The following NCAM1 variants were observed in gnomAD, a reference collection of about 807,000 sequenced individuals.
NCAM1 encodes antigen recognized by monoclonal antibody 5.1H11.
NCAM1 carries 14 observed loss-of-function variants against 109.8 expected under a neutral mutation model. The observed-to-expected ratio is 0.13, with a 90% CI of 0.08 to 0.20. The LOEUF (loss-of-function observed/expected upper bound fraction) is 0.20. Among genes scored for constraint, NCAM1 ranks in the 10% least tolerant of loss-of-function variants. The pLI, the probability that NCAM1 is intolerant of heterozygous loss-of-function variation, is 1.00. For missense variants in NCAM1, 774 were observed against 1,109.9 expected (o/e 0.70, Z 4.30); for synonymous variants, 418 against 442.9 (o/e 0.94, Z 0.70).
intron 12 of NCAM1, 118 bp downstream of exon 12, chr11:113,232,932 G>A: frequency 9.4e-7 from 1 of 1,062,666 alleles, no homozygotes. Flanking sequence ...GCCAGGGTCA[G>A]CAAAGCCAGA....
chr11:113,264,543 C>T (rs2137705838), intron 17 of NCAM1: 1 of 985,544 alleles, frequency 1.0e-6, no homozygotes, highest in Non-Finnish European at 1.2e-6. Flanking sequence ...GCATAAGGAT[C>T]CCAGGTCAGT....
intron 1 of NCAM1, among the ~76,000 whole-genome samples, chr11:113,063,752 A>G (rs1370318339): frequency 3.4e-5 from 5 of 147,766 alleles, no homozygotes; most frequent in African/African-American, 1.2e-4. Flanking sequence ...CCATAAGAAC[A>G]TATGATACTT....
intron 1 of NCAM1, among the ~76,000 whole-genome samples, chr11:112,965,381 A>G (rs1414094889): frequency 6.6e-6 from 1 of 152,184 alleles, no homozygotes; most frequent in African/African-American, 2.4e-5. Context: ...AGTTTTGAAC[A>G]GTGCTTCTGT....
chr11:113,138,859 T>C (rs1437310888), intron 1 of NCAM1, among the ~76,000 whole-genome samples: 1 of 152,222 alleles, frequency 6.6e-6, no homozygotes, highest in Non-Finnish European at 1.5e-5. Context: ...GTTTTAGTGT[T>C]GGGCGTAACC....
intron 15 of NCAM1, among the ~76,000 whole-genome samples, chr11:113,251,173 G>C (rs2137516831): frequency 6.6e-6 from 1 of 152,274 alleles, no homozygotes; most frequent in Middle Eastern, 3.4e-3. Flanking sequence ...GCTAACTCTT[G>C]GTGCTCGGGC....
intron 1 of NCAM1, among the ~76,000 whole-genome samples, chr11:113,055,783 G>A (rs1296886529): frequency 6.6e-6 from 1 of 151,284 alleles, no homozygotes; most frequent in Non-Finnish European, 1.5e-5. Flanking sequence ...TGATATGGAG[G>A]TTCCTCAAAA....
intron 1 of NCAM1, among the ~76,000 whole-genome samples, chr11:113,199,560 C>T (rs1440391370): frequency 6.8e-6 from 1 of 147,382 alleles, no homozygotes; most frequent in Non-Finnish European, 1.5e-5. Flanking sequence ...AAAGGCCAGG[C>T]GTCTAAATGG....
At chr11:113,009,166 C>G (rs555816731) in intron 1 of NCAM1, among the ~76,000 whole-genome samples, 4 of 151,868 alleles carry the variant, frequency 2.6e-5, no homozygotes, top group Non-Finnish European at 5.9e-5. Context: ...TTTTCTTTTT[C>G]AAATAGGACA....
intron 1 of NCAM1, among the ~76,000 whole-genome samples, chr11:113,095,088 A>G (rs1246075510): frequency 6.6e-6 from 1 of 152,212 alleles, no homozygotes; most frequent in Non-Finnish European, 1.5e-5. Context: ...TTGAGCACTG[A>G]AAGAAACTAA....
intron 1 of NCAM1, among the ~76,000 whole-genome samples, chr11:112,995,867 T>A (rs1339008584): frequency 6.6e-6 from 1 of 152,312 alleles, no homozygotes; most frequent in East Asian, 1.9e-4. Context: ...TTTGGCTAGT[T>A]CTATTGAAGT....
chr11:113,217,759 TG>T (rs1944572386), intron 8 of NCAM1, among the ~76,000 whole-genome samples: 1 of 152,240 alleles, frequency 6.6e-6, no homozygotes, highest in African/African-American at 2.4e-5. Flanking sequence ...TATTTATTTA[TG>T]TTAAAAATTG....
intron 1 of NCAM1, among the ~76,000 whole-genome samples, chr11:113,161,023 G>A (rs1259659118): frequency 2.0e-5 from 3 of 152,098 alleles, no homozygotes; most frequent in Non-Finnish European, 4.4e-5. Context: ...ACAAGAATAC[G>A]TGGGAAGTTG....
At chr11:113,145,426 G>A (rs1379553572) in intron 1 of NCAM1, among the ~76,000 whole-genome samples, 3 of 152,050 alleles carry the variant, frequency 2.0e-5, no homozygotes, top group African/African-American at 7.2e-5. Context: ...TTTGTTTCTG[G>A]AACAATTGCC....
chr11:113,124,800 C>G (rs1304653755), intron 1 of NCAM1, among the ~76,000 whole-genome samples: 1 of 152,180 alleles, frequency 6.6e-6, no homozygotes, highest in Non-Finnish European at 1.5e-5. Context: ...CGTTTACTGA[C>G]AGCTGGATTA....
chr11:113,121,720 C>T (rs995802854), intron 1 of NCAM1, among the ~76,000 whole-genome samples: 1 of 152,160 alleles, frequency 6.6e-6, no homozygotes, highest in East Asian at 1.9e-4. Context: ...AGATCCTTCT[C>T]CAGGAAAATA....
At chr11:113,213,586 CCTT>C (rs1210864402) in intron 7 of NCAM1, among the ~76,000 whole-genome samples, 1 of 152,160 alleles carries the variant, frequency 6.6e-6, no homozygotes, top group Non-Finnish European at 1.5e-5. Context: ...CACCTGGACT[CCTT>C]CTTATTGCTT....
At chr11:113,240,695 T>A (rs1237030336) in intron 14 of NCAM1, 2 of 1,195,302 alleles carry the variant, frequency 1.7e-6, no homozygotes, top group African/African-American at 3.0e-5. Context: ...CTCATACTGA[T>A]GCCCCAGGGT....
chr11:112,996,139 G>C (rs1360509744), intron 1 of NCAM1, among the ~76,000 whole-genome samples: 4 of 152,178 alleles, frequency 2.6e-5, no homozygotes, highest in Non-Finnish European at 4.4e-5. Flanking sequence ...CATTATGTTT[G>C]CTTCTGGTTT....
intron 15 of NCAM1, among the ~76,000 whole-genome samples, 188 bp from the exon 16 acceptor site, chr11:113,255,689 T>A (rs1945815332): frequency 6.7e-6 from 1 of 150,274 alleles, no homozygotes; most frequent in East Asian, 2.0e-4. Flanking sequence ...CAAGAGGCAC[T>A]CTCAGTTTGG....
Sources: allele counts gnomAD v4.1 joint callset (sites outside exome capture counted in the v4.1 genomes callset), GRCh38; gene constraint gnomAD v4.1.1; transcripts MANE v1.5; gene names NCBI Gene and HGNC (gene_info 2026-07-23, HGNC 2026-07-21).